TDRD10: variants seen among roughly 807,000 people sequenced by gnomAD.
TDRD10 encodes the protein tudor domain containing 10, also known as tudor domain-containing protein 10.
In TDRD10, 40 loss-of-function variants were observed where a neutral mutation model predicts 48.0. That is an observed-to-expected ratio of 0.83 (90% CI 0.65 to 1.09). The LOEUF (loss-of-function observed/expected upper bound fraction) is 1.09. Among genes scored for constraint, TDRD10 ranks in the 50% least tolerant of loss-of-function variants. The pLI is 0.00. For missense variants in TDRD10, 378 were observed against 434.7 expected (o/e 0.87, Z 1.16); for synonymous variants, 162 against 170.4 (o/e 0.95, Z 0.38).
chr1:154,542,571 G>A (rs556041824), intron 7 of TDRD10, among the ~76,000 whole-genome samples, 160 bp from the exon 8 acceptor site: 8 of 152,096 alleles, frequency 5.3e-5, no homozygotes, highest in South Asian at 4.1e-4. Context: ...GACCCTTCCC[G>A]CCCAGATGAG....
rs1193441710 is a variant in TDRD10 at position 154,502,510 on chromosome 1, G to C, written c.-547G>C. 3 of 152,268 alleles carry C rather than the reference G, an allele frequency of 2.0e-5. No individual in the cohort carries two copies. The highest frequency in any genetic ancestry group is 7.2e-5 in the African/African-American group (3 of 41,454). 9.4% of individuals were successfully genotyped at this position (152,268 alleles called of 1,614,324 possible). ...CCACCTCCTGCCCAGAGCTGGGGGC[G>C]GCGGGGTGAGCGCCATGGCAGAGGC... On this transcript the variant is annotated 5_prime_UTR_variant, in exon 1 of 13. Coordinates refer to ENST00000368482, the MANE Select transcript of TDRD10 (RefSeq NM_182499.4).
intron 6 of TDRD10, among the ~76,000 whole-genome samples, chr1:154,529,977 A>G (rs1274758928): frequency 1.3e-5 from 2 of 151,922 alleles, no homozygotes; most frequent in Non-Finnish European, 2.9e-5. Flanking sequence ...AGAATGTCTT[A>G]ATTTCCCCTT....
chr1:154,544,662 G>GGAT, intron 10 of TDRD10, 133 bp from the exon 11 acceptor site: 1 of 1,476,884 alleles, frequency 6.8e-7, no homozygotes, highest in Non-Finnish European at 9.1e-7. Context: ...CCTCACTCAA[G>GGAT]GATTGGGGAG....
chr1:154,541,063 G>A (rs1473352624), intron 6 of TDRD10, among the ~76,000 whole-genome samples: 2 of 152,168 alleles, frequency 1.3e-5, no homozygotes, highest in East Asian at 1.9e-4. Context: ...AAACTGTGGA[G>A]TTGCAGTGAG....
chr1:154,528,705 A>C (rs1386067834), intron 6 of TDRD10, among the ~76,000 whole-genome samples: 1 of 151,894 alleles, frequency 6.6e-6, no homozygotes, highest in Non-Finnish European at 1.5e-5. Context: ...AATCCCAGCT[A>C]CTCGGGAAGC....
Position 154,502,236 on chromosome 1 carries a change from G to A in TDRD10, c.-821G>A. ...CCGGGCTCGTCTTCAACGCCTGCCCGGCCCGAGGACACCGTGGCTCTCGGA... is the reference window on the plus strand; with the variant it reads ...CCGGGCTCGTCTTCAACGCCTGCCCAGCCCGAGGACACCGTGGCTCTCGGA... On this transcript the variant is annotated 5_prime_UTR_variant, in exon 1 of 13. Transcript: ENST00000368482. 3.8e-6 allele frequency: 1 copy of A among 262,912 alleles called. No homozygotes were observed. The highest frequency in any genetic ancestry group is 6.8e-6 in the Non-Finnish European group (1 of 146,452). 16.3% of individuals were successfully genotyped at this position (262,912 alleles called of 1,614,324 possible).
chr1:154,544,547 G>A, intron 10 of TDRD10, 30 bp downstream of exon 10: 1 of 1,602,802 alleles, frequency 6.2e-7, no homozygotes, highest in South Asian at 1.1e-5. Context: ...TAGAGTCTAT[G>A]GGAGAGGCGT....
chr1:154,536,607 C>T (rs1402465069), intron 6 of TDRD10, among the ~76,000 whole-genome samples: 4 of 152,314 alleles, frequency 2.6e-5, no homozygotes, highest in African/African-American at 7.2e-5. Flanking sequence ...TTGACCAGTG[C>T]GTGCAGCATG....
At position 154,544,849 on chromosome 1, in the gene TDRD10, T is replaced by C; in HGVS notation, c.852T>C (p.Phe284=). The C allele has an allele frequency of 6.2e-7, 1 of 1,614,218 alleles. No homozygotes were observed. The highest frequency in any genetic ancestry group is 2.2e-5 in the East Asian group (1 of 44,888). The change falls in exon 11 of 13, where the codon TTT becomes TTC. Residue 284 remains phenylalanine (F), a synonymous_variant. Transcript: ENST00000368482. ...GGGCTGTGGTCATGTTCATTGATTT[T>C]GGACAGTTGGCCACCATCCCTGTGC... ...DTWAVVMFID[F]GQLATIPVQS...
At chr1:154,527,347 C>T (rs1694370996) in intron 6 of TDRD10, among the ~76,000 whole-genome samples, 1 of 152,244 alleles carries the variant, frequency 6.6e-6, no homozygotes, top group Non-Finnish European at 1.5e-5. Context: ...CATTCGTACA[C>T]AGAAACTATT....
At chr1:154,509,964 T>C (rs1354871893) in intron 4 of TDRD10, 5 of 671,126 alleles carry the variant, frequency 7.5e-6, no homozygotes, top group Admixed American at 1.3e-4. Flanking sequence ...TTGGCCATAC[T>C]GTCCCACACC....
In TDRD10 at chr1:154,544,111, G is replaced by T; in HGVS notation, c.651+1G>T. On this transcript the variant is annotated splice_donor_variant, in intron 9 of 12. Transcript: ENST00000368482. LOFTEE classifies it high-confidence loss of function. ...TTTCTGGGCTATGCACGTCACTGAG[G>T]TATGGACTGGTTGTTGGCCCCCTCA... 6.2e-7 allele frequency: 1 copy of T among 1,614,166 alleles called. No homozygotes were observed. Among genetic ancestry groups the T allele is most frequent in the Non-Finnish European group, 8.5e-7 (1 of 1,180,020 alleles).
At position 154,538,346 on chromosome 1, in the gene TDRD10, C is replaced by T. The variant is rs1032825039; in HGVS notation, c.370-3678C>T. On this transcript the variant is annotated intron_variant, in intron 6 of 12. Transcript: ENST00000368482. ...GGCGGATCACCTGAGGTCAGGAGTT[C>T]GAGATCAGCCTGACAACCAAGGGGA... Among the ~76,000 whole-genome samples the T allele has an allele frequency of 4.2e-5, 6 of 144,408 alleles. No homozygotes were observed. In the East Asian group the frequency reaches 6.3e-4, roughly 15 times the overall value. The allele number at this position is 144,408 out of a possible 152,430, so 94.7% of individuals were successfully genotyped here.
At position 154,547,845 on chromosome 1, in the gene TDRD10, T is replaced by C. The variant is rs1239091498; in HGVS notation, c.*135T>C. On this transcript the variant is annotated 3_prime_UTR_variant, in exon 13 of 13. Coordinates refer to ENST00000368482, the MANE Select transcript of TDRD10 (RefSeq NM_182499.4). ...CAGACTGTGCCCAGGATTGATTCAA[T>C]TTTGCTTTTACTCCCAGCTTCCCTC... 8.8e-7 allele frequency: 1 copy of C among 1,136,144 alleles called. No homozygotes were observed. Among genetic ancestry groups the C allele is most frequent in the Non-Finnish European group, 1.3e-6 (1 of 783,126 alleles). 70.4% of individuals were successfully genotyped at this position (1,136,144 alleles called of 1,614,324 possible).
At chr1:154,532,456 C>T (rs1267550452) in intron 6 of TDRD10, among the ~76,000 whole-genome samples, 1 of 152,168 alleles carries the variant, frequency 6.6e-6, no homozygotes, top group Admixed American at 6.5e-5. Context: ...TGTGCTTCTC[C>T]CTCCACACCT....
In TDRD10 at chr1:154,548,037, T is replaced by TAAC. The variant is rs1195569029; in HGVS notation, c.*329_*331dup. The stretch of plus-strand genomic sequence containing the variant: ...CCCCAGAGCATGATATAAGTGGTCC[T>TAAC]AACAGATTCTGGATAATGGAGAAGC... On this transcript the variant is annotated 3_prime_UTR_variant, in exon 13 of 13. Coordinates refer to ENST00000368482, the MANE Select transcript of TDRD10 (RefSeq NM_182499.4). The TAAC allele has an allele frequency of 2.5e-6, 1 of 397,868 alleles. No individual in the cohort carries two copies. The highest frequency in any genetic ancestry group is 4.5e-6 in the Non-Finnish European group (1 of 220,640). The allele number at this position is 397,868 out of a possible 1,614,324, so 24.6% of individuals were successfully genotyped here. A position where few individuals can be genotyped will look rare whatever the true frequency, so the allele number is the denominator to read the frequency against.
intron 1 of TDRD10, among the ~76,000 whole-genome samples, chr1:154,505,055 G>A (rs1401007050): frequency 1.3e-5 from 2 of 152,150 alleles, no homozygotes; most frequent in African/African-American, 4.8e-5. Context: ...ACAATAGATT[G>A]GAAGGAAACT....
chr1:154,510,008 G>A (rs758598165), intron 4 of TDRD10: 11 of 309,710 alleles, frequency 3.6e-5, no homozygotes, highest in African/African-American at 1.1e-4. Context: ...TGTCCCCTTC[G>A]CAGAAAGCGG....
chr1:154,523,628 T>C (rs1235962837), intron 6 of TDRD10, among the ~76,000 whole-genome samples: 2 of 152,212 alleles, frequency 1.3e-5, no homozygotes, highest in Non-Finnish European at 2.9e-5. Flanking sequence ...CAATATTCTC[T>C]TTGTTCTCTC....
Sources: allele counts gnomAD v4.1 joint callset (sites outside exome capture counted in the v4.1 genomes callset), GRCh38; gene constraint gnomAD v4.1.1; transcripts MANE v1.5; gene names NCBI Gene and HGNC (gene_info 2026-07-23, HGNC 2026-07-21).